The following CAPS2 variants were observed in gnomAD, a reference collection of about 807,000 sequenced individuals.
CAPS2 encodes the protein calcyphosine 2, also known as calcyphosin-2.
A neutral mutation model predicts 86.5 loss-of-function variants in CAPS2; 98 were observed. The observed-to-expected ratio is 1.13, with a 90% CI of 0.96 to 1.34. The LOEUF is 1.34. Ranked by LOEUF, CAPS2 falls within the 40% of genes most tolerant of loss-of-function variation. The pLI, the probability that CAPS2 is intolerant of heterozygous loss-of-function variation, is 0.00. For synonymous variants in CAPS2, 210 were observed against 225.1 expected, an observed-to-expected ratio of 0.93 and a Z score of 0.60; for missense variants, 729 against 686.8, an observed-to-expected ratio of 1.06 and a Z score of -0.69.
exon 17 of CAPS2, chr12:75,278,540 G>T: frequency 1.0e-6 from 1 of 997,388 alleles, no homozygotes; most frequent in Non-Finnish European, 1.2e-6. Context: ...AATAGATGTT[G>T]CCATATTGTT....
Position 75,325,390 on chromosome 12 carries a change from T to A in CAPS2, c.82-102A>T. 3.2e-6 allele frequency: 3 copies of A among 930,400 alleles called. No homozygotes were observed. The Admixed American group carries it at 9.2e-5, about 28-fold the overall frequency. 57.6% of individuals were successfully genotyped at this position (930,400 alleles called of 1,614,324 possible). On this transcript the variant is annotated intron_variant, in intron 1 of 16. Transcript: ENST00000393284. The stretch of plus-strand genomic sequence containing the variant: ...GTCAATGCAATAAAGCTAATTATAA[T>A]TTTTCTCAGTAAATTCTATATAATA...
chr12:75,310,382 G>A (rs1487104844), intron 7 of CAPS2, among the ~76,000 whole-genome samples: 1 of 152,166 alleles, frequency 6.6e-6, no homozygotes, highest in African/African-American at 2.4e-5. Context: ...GAGCTAAAAT[G>A]AGTAAGCAGA....
intron 1 of CAPS2, among the ~76,000 whole-genome samples, chr12:75,355,767 T>C (rs916089071): frequency 3.9e-5 from 6 of 152,126 alleles, no homozygotes; most frequent in Admixed American, 3.9e-4. Flanking sequence ...GAAAATGTGG[T>C]ACATATACAA....
intron 1 of CAPS2, among the ~76,000 whole-genome samples, chr12:75,351,425 G>T (rs558251006): frequency 7.9e-5 from 12 of 152,286 alleles, no homozygotes; most frequent in African/African-American, 2.6e-4. Context: ...AATGTTAAGG[G>T]CAGCCAGAGA....
At chr12:75,386,204 C>T (rs1369777667) in intron 1 of CAPS2, among the ~76,000 whole-genome samples, 1 of 152,088 alleles carries the variant, frequency 6.6e-6, no homozygotes, top group Non-Finnish European at 1.5e-5. Context: ...ACAGCCAATA[C>T]ATTGGATGAG....
Position 75,294,742 on chromosome 12 carries a change from A to C in CAPS2, c.1045-1375T>G, listed in dbSNP as rs556112593. Reference sequence around the variant, plus strand: ...TACTTGAGGACTAGTTATTGTTTACACCAAAAACATGTATGTGTCGGGATA... The same window carrying C: ...TACTTGAGGACTAGTTATTGTTTACCCCAAAAACATGTATGTGTCGGGATA... On this transcript the variant is annotated intron_variant, in intron 11 of 16. Coordinates refer to ENST00000393284, the Ensembl canonical transcript of CAPS2. Among the ~76,000 whole-genome samples, 7 of 152,210 alleles carry C rather than the reference A, an allele frequency of 4.6e-5. 1 individual carries two copies. In the East Asian group the frequency reaches 1.4e-3, roughly 29 times the overall value.
At chr12:75,304,613 G>C in intron 8 of CAPS2, 144 bp downstream of exon 8, 1 of 544,532 alleles carries the variant, frequency 1.8e-6, no homozygotes. Flanking sequence ...GCAGAACTGG[G>C]AGCTGAACTC....
intron 1 of CAPS2, among the ~76,000 whole-genome samples, chr12:75,345,529 A>C (rs533254689): frequency 6.6e-6 from 1 of 152,274 alleles, no homozygotes; most frequent in South Asian, 2.1e-4. Flanking sequence ...GTCTTAAAGC[A>C]ACTTGTTCTT....
Position 75,381,230 on chromosome 12 carries a change from C to T in CAPS2, c.-395+9608G>A, listed in dbSNP as rs138625760. 3.7e-3 allele frequency among the ~76,000 whole-genome samples: 565 copies of T among 152,292 alleles called. 3 individuals carry two copies. The highest frequency in any genetic ancestry group is 6.8e-3 in the Non-Finnish European group (463 of 68,018). On this transcript the variant is annotated intron_variant, in intron 1 of 5. Coordinates refer to the CAPS2 transcript ENST00000551829. ...TCAAGGGTTTCTGCTTTTGCTTCTT[C>T]CTCATTCTCTCTTGTCGCCGCCATG...
At chr12:75,335,568 T>C (rs757189134) in intron 1 of CAPS2, among the ~76,000 whole-genome samples, 1 of 152,196 alleles carries the variant, frequency 6.6e-6, no homozygotes, top group Non-Finnish European at 1.5e-5. Context: ...GCTATGCAGA[T>C]GTAGATACAG....
At chr12:75,352,260 C>A (rs1442514456) in intron 1 of CAPS2, among the ~76,000 whole-genome samples, 1 of 152,124 alleles carries the variant, frequency 6.6e-6, no homozygotes, top group Non-Finnish European at 1.5e-5. Flanking sequence ...ATTCAAGAGA[C>A]CCATCTCACA....
intron 8 of CAPS2, among the ~76,000 whole-genome samples, chr12:75,303,063 G>T (rs951231553): frequency 4.6e-5 from 7 of 152,102 alleles, no homozygotes; most frequent in African/African-American, 1.7e-4. Flanking sequence ...TTACCAAAAG[G>T]CATGAACAAG....
chr12:75,300,550 C>T (rs1412409337), intron 8 of CAPS2, among the ~76,000 whole-genome samples: 18 of 102,790 alleles, frequency 1.8e-4, no homozygotes, highest in African/African-American at 6.1e-4. Flanking sequence ...AGCCAGACTC[C>T]GTCTCAAAAA....
intron 1 of CAPS2, among the ~76,000 whole-genome samples, chr12:75,369,226 C>G (rs995555147): frequency 4.6e-5 from 7 of 151,900 alleles, no homozygotes; most frequent in Non-Finnish European, 7.4e-5. Flanking sequence ...TTAGCTATTA[C>G]TATAATTCAG....
chr12:75,277,360 T>C, exon 17 of CAPS2: 2 of 975,498 alleles, frequency 2.1e-6, no homozygotes, highest in Non-Finnish European at 1.2e-6. Context: ...GCACCCCCAG[T>C]ATTAGTCATT....
At chr12:75,340,461 T>G (rs926373448) in intron 1 of CAPS2, among the ~76,000 whole-genome samples, 2 of 151,642 alleles carry the variant, frequency 1.3e-5, no homozygotes, top group Non-Finnish European at 2.9e-5. Context: ...TAAATTTAAA[T>G]AAAACTATTA....
At chr12:75,293,743 C>T (rs563183787) in intron 11 of CAPS2, among the ~76,000 whole-genome samples, 3 of 152,272 alleles carry the variant, frequency 2.0e-5, no homozygotes, top group East Asian at 3.9e-4. Flanking sequence ...ATTTCTCATA[C>T]TCTTTCACAG....
At chr12:75,299,746 C>A in intron 9 of CAPS2, 91 bp downstream of exon 9, 1 of 563,754 alleles carries the variant, frequency 1.8e-6, no homozygotes, top group Non-Finnish European at 3.1e-6. Context: ...ATGACACAAA[C>A]CTATATAATC....
intron 11 of CAPS2, among the ~76,000 whole-genome samples, chr12:75,294,320 C>T (rs972333371): frequency 2.0e-5 from 3 of 152,192 alleles, no homozygotes; most frequent in African/African-American, 7.2e-5. Context: ...CCTCCATTTT[C>T]TCAGCACATT....
Sources: allele counts gnomAD v4.1 joint callset (sites outside exome capture counted in the v4.1 genomes callset), GRCh38; gene constraint gnomAD v4.1.1; transcripts MANE v1.5; gene names NCBI Gene and HGNC (gene_info 2026-07-23, HGNC 2026-07-21).